The following CEP192 variants were observed in gnomAD, a reference collection of about 807,000 sequenced individuals.
CEP192 encodes centrosomal protein of 192 kDa.
Under a neutral mutation model 271.8 loss-of-function variants are expected in CEP192, and 151 were observed. The observed-to-expected ratio is 0.56, with a 90% CI of 0.49 to 0.64. CEP192 has a LOEUF of 0.64. Among genes scored for constraint, CEP192 ranks in the 30% least tolerant of loss-of-function variants. CEP192 has a pLI of 0.00. For missense variants in CEP192, 2,910 were observed against 3,020.5 expected (o/e 0.96, Z 0.86); for synonymous variants, 995 against 1,076.5 (o/e 0.92, Z 1.48).
intron 30 of CEP192, among the ~76,000 whole-genome samples, chr18:13,082,710 C>T (rs2038685306): frequency 6.6e-6 from 1 of 151,918 alleles, no homozygotes. Context: ...TAGTTTCTTC[C>T]TAGCCTCGAT....
chr18:13,035,542 C>G (rs2035872146), intron 11 of CEP192, among the ~76,000 whole-genome samples: 1 of 152,186 alleles, frequency 6.6e-6, no homozygotes, highest in African/African-American at 2.4e-5. Context: ...TTATCTCCCC[C>G]TGGGTCCCTC....
At position 13,019,297 on chromosome 18, in the gene CEP192, G is replaced by C. The variant is rs1056343193; in HGVS notation, c.1050+91G>C. On this transcript the variant is annotated intron_variant, in intron 9 of 44. Coordinates refer to ENST00000506447, the MANE Select transcript of CEP192 (RefSeq NM_032142.4). Reference sequence around the variant, plus strand: ...GATATCAGTTTTTTTCAAAGAAACAGTAACTGTTGACTTCTGAAAAATACA... The same window carrying C: ...GATATCAGTTTTTTTCAAAGAAACACTAACTGTTGACTTCTGAAAAATACA... 2.1e-5 allele frequency: 23 copies of C among 1,102,110 alleles called. No individual in the cohort carries two copies. In the African/African-American group the frequency reaches 3.6e-4, roughly 17 times the overall value. The allele number at this position is 1,102,110 out of a possible 1,614,324, so 68.3% of individuals were successfully genotyped here. A position where few individuals can be genotyped will look rare whatever the true frequency, so the allele number is the denominator to read the frequency against.
Position 13,023,472 on chromosome 18 carries a change from G to A in CEP192, c.1050+4266G>A, listed in dbSNP as rs574963020. Among the ~76,000 whole-genome samples, 6 of 136,456 alleles carry A rather than the reference G, an allele frequency of 4.4e-5. No individual in the cohort carries two copies. The South Asian group carries it at 1.3e-3, about 30-fold the overall frequency. The allele number at this position is 136,456 out of a possible 152,430, so 89.5% of individuals were successfully genotyped here. ...TATCATGAATGGGTGTTAGATTTTTGTCAATTTTTTTTTTTTTTGCAGCTA... is the reference window on the plus strand; with the variant it reads ...TATCATGAATGGGTGTTAGATTTTTATCAATTTTTTTTTTTTTTGCAGCTA... On this transcript the variant is annotated intron_variant, in intron 9 of 44. Coordinates refer to ENST00000506447, the MANE Select transcript of CEP192 (RefSeq NM_032142.4).
In CEP192 at chr18:13,104,992, T is replaced by A; in HGVS notation, c.6960T>A (p.Asp2320Glu). The change falls in exon 40 of 45, where the codon GAT becomes GAA. Residue 2320 changes from aspartate (D) to glutamate (E), a missense_variant. Transcript: ENST00000506447. ...AAATGATTGCTTTGCAGGGAGTTGATGAAAGTGGAGATGTTTTTAGAGCTA... is the reference window on the plus strand; with the variant it reads ...AAATGATTGCTTTGCAGGGAGTTGAAGAAAGTGGAGATGTTTTTAGAGCTA... ...SLAPPYVKGV[D>E]ESGDVFRATY... 6 of 1,612,126 alleles carry A rather than the reference T, an allele frequency of 3.7e-6. No homozygotes were observed. The highest frequency in any genetic ancestry group is 5.1e-6 in the Non-Finnish European group (6 of 1,178,116).
intron 11 of CEP192, among the ~76,000 whole-genome samples, chr18:13,035,608 A>G (rs565313942): frequency 1.3e-3 from 192 of 152,268 alleles, no homozygotes; most frequent in Non-Finnish European, 4.4e-4. Flanking sequence ...TTGGGTGGAG[A>G]CACAGCCAAA....
intron 20 of CEP192, chr18:13,058,601 C>T (rs567952026): frequency 1.2e-5 from 2 of 161,020 alleles, no homozygotes; most frequent in South Asian, 1.8e-4. Flanking sequence ...GCAGTGTTGT[C>T]TATGGAAGTG....
chr18:13,007,847 A>G (rs1002187052), intron 3 of CEP192, among the ~76,000 whole-genome samples: 48 of 152,334 alleles, frequency 3.2e-4, no homozygotes, highest in African/African-American at 1.2e-3. Flanking sequence ...TCAGTTTGTC[A>G]TGTAATGAAT....
In CEP192 at chr18:13,049,288, A is replaced by G. The variant is rs768256418; in HGVS notation, c.2497A>G (p.Ser833Gly). ...GGTGGACTTAAGTGCTACTAGTGTAAGTGTGAGGGCACCAGAAGAAAACAC... is the reference window on the plus strand; with the variant it reads ...GGTGGACTTAAGTGCTACTAGTGTAGGTGTGAGGGCACCAGAAGAAAACAC... ...HPVDLSATSV[S>G]VRAPEENTAA... Residue 833 changes from serine to glycine, a missense_variant, in exon 16 of 45, where the codon AGT (serine) becomes GGT (glycine). Transcript: ENST00000506447. 6.2e-7 allele frequency: 1 copy of G among 1,614,170 alleles called. No individual in the cohort carries two copies. Among genetic ancestry groups the G allele is most frequent in the South Asian group, 1.1e-5 (1 of 91,084 alleles).
chr18:13,086,049 T>C (rs138772841), intron 30 of CEP192, among the ~76,000 whole-genome samples: 1 of 152,352 alleles, frequency 6.6e-6, no homozygotes, highest in East Asian at 1.9e-4. Flanking sequence ...TTGTGTCTTC[T>C]CTTACTTCTT....
intron 38 of CEP192, 34 bp from the exon 39 acceptor site, chr18:13,103,475 C>T (rs369539124): frequency 8.5e-4 from 1,334 of 1,560,248 alleles, no homozygotes; most frequent in Non-Finnish European, 1.0e-3. Flanking sequence ...CCAGTCTCTC[C>T]GAGTTTGAGT....
At chr18:13,032,600 C>CT (rs1359433663) in intron 11 of CEP192, among the ~76,000 whole-genome samples, 1 of 152,120 alleles carries the variant, frequency 6.6e-6, no homozygotes, top group African/African-American at 2.4e-5. Flanking sequence ...TAAGGGTGAA[C>CT]TTTATGAACT....
chr18:13,048,604 C>T (rs550061536), intron 15 of CEP192, among the ~76,000 whole-genome samples: 21 of 152,288 alleles, frequency 1.4e-4, no homozygotes, highest in African/African-American at 4.1e-4. Flanking sequence ...TCATGCTTTG[C>T]ACTCCAAACT....
chr18:13,114,161 CA>C lies in CEP192; in HGVS notation c.7200del (p.Cys2401AlafsTer10). 1 of 1,614,000 alleles carries C rather than the reference CA, an allele frequency of 6.2e-7. No homozygotes were observed. On this transcript the variant is annotated frameshift_variant, in exon 42 of 45. Transcript: ENST00000506447. LOFTEE classifies it high-confidence loss of function. The part of the protein sequence containing the change: ...SIEAENEPEN[A>X]CLSTDSLIKI... ...GAAGCAGAAAATGAGCCTGAAAACGCATGCCTTTCCACGGATTCCCTCATTA... is the reference window on the plus strand; with the variant it reads ...GAAGCAGAAAATGAGCCTGAAAACGCTGCCTTTCCACGGATTCCCTCATTA...
At chr18:13,095,069 G>T (rs1021861574) in intron 34 of CEP192, among the ~76,000 whole-genome samples, 1 of 152,092 alleles carries the variant, frequency 6.6e-6, no homozygotes, top group African/African-American at 2.4e-5. Context: ...GGGTTTCATT[G>T]TGTAGCCCAG....
chr18:13,052,406 CTTTATA>C (rs893209732), intron 17 of CEP192, among the ~76,000 whole-genome samples: 2 of 152,090 alleles, frequency 1.3e-5, no homozygotes, highest in African/African-American at 4.8e-5. Context: ...TTTGTGAAGT[CTTTATA>C]TTTATCATTA....
In CEP192 at chr18:13,114,254, A is replaced by G. The variant is rs2040334715; in HGVS notation, c.7289+3A>G. On this transcript the variant is annotated splice_donor_region_variant and intron_variant, in intron 42 of 44. Coordinates refer to ENST00000506447, the MANE Select transcript of CEP192 (RefSeq NM_032142.4). ...GAGGCTTCTGCTCGCATACCTGAGT[A>G]TGTTGTTTTTGTCATTCTTATGAGT... 6.2e-7 allele frequency: 1 copy of G among 1,609,866 alleles called. No homozygotes were observed. Among genetic ancestry groups the G allele is most frequent in the South Asian group, 1.1e-5 (1 of 89,924 alleles).
intron 21 of CEP192, among the ~76,000 whole-genome samples, 197 bp from the exon 22 acceptor site, chr18:13,067,634 T>C (rs562951434): frequency 7.9e-5 from 12 of 152,320 alleles, no homozygotes; most frequent in African/African-American, 2.4e-4. Context: ...TTTGGGTACA[T>C]AGACTACCTC....
chr18:13,008,643 T>C lies in CEP192; in HGVS notation c.466+12T>C. 6.7e-7 allele frequency: 1 copy of C among 1,493,806 alleles called. No individual in the cohort carries two copies. Among genetic ancestry groups the C allele is most frequent in the East Asian group, 2.5e-5 (1 of 40,334 alleles). 92.5% of individuals were successfully genotyped at this position (1,493,806 alleles called of 1,614,324 possible). On this transcript the variant is annotated intron_variant, in intron 4 of 44. Coordinates refer to ENST00000506447, the MANE Select transcript of CEP192 (RefSeq NM_032142.4). Reference sequence around the variant, plus strand: ...GGAACAAGCACAAGGTACTGAACTATTTGAAATTATTTCTTAATGCATATG... The same window carrying C: ...GGAACAAGCACAAGGTACTGAACTACTTGAAATTATTTCTTAATGCATATG...
intron 30 of CEP192, among the ~76,000 whole-genome samples, chr18:13,079,741 GT>G (rs1223328863): frequency 6.6e-6 from 1 of 152,122 alleles, no homozygotes; most frequent in African/African-American, 2.4e-5. Context: ...TATTGCCTAG[GT>G]TTTCTTCTAG....
Sources: allele counts gnomAD v4.1 joint callset (sites outside exome capture counted in the v4.1 genomes callset), GRCh38; gene constraint gnomAD v4.1.1; transcripts MANE v1.5; gene names NCBI Gene and HGNC (gene_info 2026-07-23, HGNC 2026-07-21).